The following PHF3 variants were observed in gnomAD, a reference collection of about 807,000 sequenced individuals.
PHF3 encodes PHD finger protein 3.
In PHF3, 41 loss-of-function variants were observed where a neutral mutation model predicts 178.4. The ratio of observed to expected loss-of-function variants is 0.23; its 90% CI spans 0.18 to 0.30. The LOEUF is 0.30. PHF3 is among the 10% of genes least tolerant of loss of function. The pLI is 1.00. For missense variants in PHF3, 2,346 were observed against 2,398.1 expected, an observed-to-expected ratio of 0.98 and a Z score of 0.45; for synonymous variants, 842 against 800.5, an observed-to-expected ratio of 1.05 and a Z score of -0.88.
rs1768208668 is a variant in PHF3 at position 63,716,954 on chromosome 6, T to C, written c.*3246T>C. Among the ~76,000 whole-genome samples, 1 of 152,084 alleles carries C rather than the reference T, an allele frequency of 6.6e-6. No homozygotes were observed. Among genetic ancestry groups the C allele is most frequent in the African/African-American group, 2.4e-5 (1 of 41,428 alleles). On this transcript the variant is annotated 3_prime_UTR_variant, in exon 16 of 16. Transcript: ENST00000262043. ...CCCTATTCCCATGTAACCTAACATA[T>C]TTACAGGTGTTCCAAGGATTGGGGT...
rs185582303 is a variant in PHF3 at position 63,683,372 on chromosome 6, A to G, written c.407-757A>G. 1.1e-3 allele frequency among the ~76,000 whole-genome samples: 160 copies of G among 152,048 alleles called. No homozygotes were observed. The Middle Eastern group carries it at 0.014, about 13-fold the overall frequency. On this transcript the variant is annotated intron_variant, in intron 3 of 15. Transcript: ENST00000262043. ...CATTTTGTGTTTCTCCTTTCTCCTGATACAAGGGGGGGATGTATCAGAATA... is the reference window on the plus strand; with the variant it reads ...CATTTTGTGTTTCTCCTTTCTCCTGGTACAAGGGGGGGATGTATCAGAATA...
intron 1 of PHF3, among the ~76,000 whole-genome samples, chr6:63,645,836 A>T (rs796955624): frequency 2.4e-4 from 37 of 152,206 alleles, no homozygotes; most frequent in African/African-American, 7.2e-4. Context: ...CATGATGTAG[A>T]TTGTCTTTGT....
chr6:63,643,433 A>C (rs985460672), intron 1 of PHF3, among the ~76,000 whole-genome samples: 2 of 152,190 alleles, frequency 1.3e-5, no homozygotes, highest in African/African-American at 4.8e-5. Flanking sequence ...AAGAAAAATT[A>C]TTCTGACTCA....
chr6:63,711,501 C>T, intron 15 of PHF3, 85 bp from the exon 16 acceptor site: 1 of 1,368,660 alleles, frequency 7.3e-7, no homozygotes, highest in Non-Finnish European at 1.0e-6. Context: ...CATTTAATAT[C>T]CTGTAATAAG....
chr6:63,694,672 T>C lies in PHF3; in HGVS notation c.2588T>C (p.Val863Ala). The C allele has an allele frequency of 6.2e-7, 1 of 1,603,034 alleles. No individual in the cohort carries two copies. ...CCTCTTCGTAAGATGGGACAACCAGTTTTACCTCGGAGATCCTCAGAAGAA... is the reference window on the plus strand; with the variant it reads ...CCTCTTCGTAAGATGGGACAACCAGCTTTACCTCGGAGATCCTCAGAAGAA... ...LAPLRKMGQP[V>A]LPRRSSEEKS... Residue 863 changes from valine (V) to alanine (A), a missense_variant, in exon 6 of 16, where the codon GTT becomes GCT. Coordinates refer to ENST00000262043, the MANE Select transcript of PHF3 (RefSeq NM_001370348.2).
chr6:63,652,198 GT>G (rs1238551058), intron 2 of PHF3, among the ~76,000 whole-genome samples: 1 of 151,964 alleles, frequency 6.6e-6, no homozygotes, highest in Non-Finnish European at 1.5e-5. Flanking sequence ...TCTTGCCAGT[GT>G]TTATTATTTT....
chr6:63,676,907 T>C (rs1766188095), intron 2 of PHF3, among the ~76,000 whole-genome samples: 1 of 152,136 alleles, frequency 6.6e-6, no homozygotes, highest in South Asian at 2.1e-4. Flanking sequence ...GCTGGTCAGA[T>C]GTGTGATACA....
intron 13 of PHF3, among the ~76,000 whole-genome samples, chr6:63,708,121 C>G (rs1005116502): frequency 6.6e-6 from 1 of 152,102 alleles, no homozygotes. Flanking sequence ...CTTGCCTCTG[C>G]CTCCCAGAAT....
chr6:63,703,991 A>G lies in PHF3; in HGVS notation c.3367+320A>G, dbSNP rs1235958314. ...GGCAGTTGTGATGATACTGTCATTT[A>G]CTAAAGTAAAGGAGTAAAATAGCAT... On this transcript the variant is annotated intron_variant, in intron 11 of 15. Coordinates refer to ENST00000262043, the MANE Select transcript of PHF3 (RefSeq NM_001370348.2). 2.6e-5 allele frequency among the ~76,000 whole-genome samples: 4 copies of G among 152,380 alleles called. No homozygotes were observed. In the East Asian group the frequency reaches 5.8e-4, roughly 22 times the overall value.
chr6:63,640,518 C>T (rs1451422043), intron 1 of PHF3, among the ~76,000 whole-genome samples: 2 of 152,160 alleles, frequency 1.3e-5, no homozygotes, highest in South Asian at 2.1e-4. Flanking sequence ...AGCACAATGC[C>T]TTGCACACAG....
chr6:63,650,383 C>G (rs918720348), intron 2 of PHF3, among the ~76,000 whole-genome samples: 3 of 152,054 alleles, frequency 2.0e-5, no homozygotes, highest in Non-Finnish European at 4.4e-5. Context: ...ACAGGTATCC[C>G]AAATATTTGG....
At chr6:63,645,090 C>T (rs962346462) in intron 1 of PHF3, among the ~76,000 whole-genome samples, 2 of 151,830 alleles carry the variant, frequency 1.3e-5, no homozygotes, top group East Asian at 1.9e-4. Flanking sequence ...CGCCTTGTTG[C>T]CTAGGCTGGT....
chr6:63,649,444 G>C (rs1373025565), intron 2 of PHF3, among the ~76,000 whole-genome samples: 1 of 152,140 alleles, frequency 6.6e-6, no homozygotes, highest in African/African-American at 2.4e-5. Flanking sequence ...TTAGACCAAT[G>C]AAAGCTATAG....
rs371221947 is a variant in PHF3, at chr6:63,721,815, G to A, written c.*8107G>A. 6.5e-6 allele frequency: 10 copies of A among 1,529,474 alleles called. No individual in the cohort carries two copies. The South Asian group carries it at 7.5e-5, about 11-fold the overall frequency. The allele number at this position is 1,529,474 out of a possible 1,614,324, so 94.7% of individuals were successfully genotyped here. ...AAAATCACCTGCAAGAAAGCAAACAGTAAGTTTGATTAGCAACAGTAAAAG... is the reference window on the plus strand; with the variant it reads ...AAAATCACCTGCAAGAAAGCAAACAATAAGTTTGATTAGCAACAGTAAAAG... On this transcript the variant is annotated 3_prime_UTR_variant, in exon 16 of 16. Coordinates refer to ENST00000262043, the MANE Select transcript of PHF3 (RefSeq NM_001370348.2).
Position 63,685,924 on chromosome 6 carries a change from G to T in PHF3, c.2189+13G>T, listed in dbSNP as rs1010557677. On this transcript the variant is annotated intron_variant, in intron 4 of 15. Coordinates refer to ENST00000262043, the MANE Select transcript of PHF3 (RefSeq NM_001370348.2). ...CACATGGCAACAGGTGTGTGTGTAT[G>T]TGTGTATGAGTGATGTGTACATTGA... The T allele has an allele frequency of 1.3e-6, 2 of 1,561,878 alleles. No individual in the cohort carries two copies. The highest frequency in any genetic ancestry group is 1.7e-6 in the Non-Finnish European group (2 of 1,143,568).
chr6:63,642,491 A>G lies in PHF3; in HGVS notation c.-25-4036A>G, dbSNP rs78961446. 9.2e-3 allele frequency among the ~76,000 whole-genome samples: 1,400 copies of G among 152,354 alleles called. 21 individuals carry two copies. The highest frequency in any genetic ancestry group is 0.031 in the African/African-American group (1,306 of 41,580). The stretch of plus-strand genomic sequence containing the variant: ...GCTTAACACATGTATGAGTAAATGA[A>G]TAATTTTGAATTATGCAGATTATTC... On this transcript the variant is annotated intron_variant, in intron 1 of 15. Coordinates refer to ENST00000262043, the MANE Select transcript of PHF3 (RefSeq NM_001370348.2).
At chr6:63,637,832 C>G (rs1456662416) in intron 1 of PHF3, among the ~76,000 whole-genome samples, 1 of 152,074 alleles carries the variant, frequency 6.6e-6, no homozygotes, top group Non-Finnish European at 1.5e-5. Flanking sequence ...GATAGCTGTA[C>G]TCGGTAATTT....
rs2149630780 is a variant in PHF3 at position 63,725,683 on chromosome 6, G to A, written c.*11975G>A. Reference sequence around the variant, plus strand: ...GGGTATTTCAGAAGTGCATTGAGGTGGAACCACTTTGGTCGAATTCCCTGA... The same window carrying A: ...GGGTATTTCAGAAGTGCATTGAGGTAGAACCACTTTGGTCGAATTCCCTGA... On this transcript the variant is annotated 3_prime_UTR_variant, in exon 16 of 16. Coordinates refer to ENST00000262043, the MANE Select transcript of PHF3 (RefSeq NM_001370348.2). 6.6e-6 allele frequency among the ~76,000 whole-genome samples: 1 copy of A among 152,130 alleles called. No homozygotes were observed. The highest frequency in any genetic ancestry group is 1.9e-4 in the East Asian group (1 of 5,188).
At position 63,635,830 on chromosome 6, in the gene PHF3, C is replaced by T; in HGVS notation, c.-346C>T. On this transcript the variant is annotated 5_prime_UTR_variant, in exon 1 of 16. Transcript: ENST00000262043. Reference sequence around the variant, plus strand: ...GGGGTCACGTGACACGGCCCCTCTCCAGCTCCCGCGCCGCCGCCGCACGCC... The same window carrying T: ...GGGGTCACGTGACACGGCCCCTCTCTAGCTCCCGCGCCGCCGCCGCACGCC... The T allele has an allele frequency of 2.5e-6, 1 of 395,754 alleles. No homozygotes were observed. Among genetic ancestry groups the T allele is most frequent in the Admixed American group, 4.4e-5 (1 of 22,644 alleles). The allele number at this position is 395,754 out of a possible 1,614,324, so 24.5% of individuals were successfully genotyped here. A position where few individuals can be genotyped will look rare whatever the true frequency, so the allele number is the denominator to read the frequency against.
Sources: gnomAD v4.1 joint callset for allele counts (sites outside exome capture counted in the v4.1 genomes callset) on GRCh38, gnomAD v4.1.1 for gene constraint, MANE v1.5 for transcripts, NCBI Gene and HGNC (gene_info 2026-07-23, HGNC 2026-07-21) for gene names.